Variants in DCC observed in about 807,000 individuals in gnomAD.
DCC encodes the protein netrin receptor DCC.
A neutral mutation model predicts 172.5 loss-of-function variants in DCC; 58 were observed. That is an observed-to-expected ratio of 0.34 (90% CI 0.27 to 0.42). The LOEUF (loss-of-function observed/expected upper bound fraction) is 0.42, where lower values mean the gene tolerates loss of function less well. Ranked by LOEUF, DCC falls within the 10% of genes least tolerant of loss-of-function variation. The pLI is 1.00. For missense variants in DCC, 1,740 were observed against 1,791.0 expected (o/e 0.97, Z 0.51); for synonymous variants, 709 against 644.5 (o/e 1.10, Z -1.52).
intron 2 of DCC, among the ~76,000 whole-genome samples, chr18:52,872,500 C>T (rs972264450): frequency 6.6e-6 from 1 of 152,108 alleles, no homozygotes; most frequent in Non-Finnish European, 1.5e-5. Context: ...GTTTGCTAGC[C>T]CTCTGAACAG....
intron 2 of DCC, among the ~76,000 whole-genome samples, chr18:52,771,361 T>C (rs747462233): frequency 6.6e-6 from 1 of 152,252 alleles, no homozygotes; most frequent in Non-Finnish European, 1.5e-5. Flanking sequence ...TAAAAGGGAA[T>C]ATGCCTGAGC....
At chr18:52,767,197 G>A (rs1386791319) in intron 2 of DCC, among the ~76,000 whole-genome samples, 1 of 151,756 alleles carries the variant, frequency 6.6e-6, no homozygotes, top group East Asian at 1.9e-4. Flanking sequence ...AAGTAAATAG[G>A]ATCAATCAAA....
intron 9 of DCC, among the ~76,000 whole-genome samples, chr18:53,200,938 A>C (rs2055527657): frequency 6.6e-6 from 1 of 152,122 alleles, no homozygotes; most frequent in East Asian, 1.9e-4. Flanking sequence ...TGATATGGGC[A>C]CACCTCACAC....
chr18:52,483,969 G>T (rs1415082978), intron 1 of DCC, among the ~76,000 whole-genome samples: 1 of 151,980 alleles, frequency 6.6e-6, no homozygotes, highest in Non-Finnish European at 1.5e-5. Flanking sequence ...GCTACCATAT[G>T]TTTTTAATAT....
chr18:52,795,415 AAT>A (rs978033427), intron 2 of DCC, among the ~76,000 whole-genome samples: 30 of 152,076 alleles, frequency 2.0e-4, no homozygotes, highest in African/African-American at 7.0e-4. Flanking sequence ...TAGAGTTATT[AAT>A]AGTCTCTAAT....
chr18:53,468,847 C>T (rs1348676236), intron 25 of DCC, among the ~76,000 whole-genome samples: 2 of 152,178 alleles, frequency 1.3e-5, no homozygotes, highest in African/African-American at 2.4e-5. Context: ...CTGAGAATCA[C>T]TTCCTTTCCC....
intron 15 of DCC, among the ~76,000 whole-genome samples, chr18:53,360,583 A>C (rs916424013): frequency 6.6e-6 from 1 of 152,196 alleles, no homozygotes; most frequent in Non-Finnish European, 1.5e-5. Context: ...CATGCTATAA[A>C]TCATTTAAAA....
intron 12 of DCC, among the ~76,000 whole-genome samples, chr18:53,235,886 G>A (rs1293086224): frequency 2.0e-5 from 3 of 151,942 alleles, no homozygotes; most frequent in Non-Finnish European, 4.4e-5. Context: ...TTGTCCTTTG[G>A]TGTCTGGCTT....
chr18:52,964,182 G>T (rs993463803), intron 5 of DCC, among the ~76,000 whole-genome samples: 2 of 152,120 alleles, frequency 1.3e-5, no homozygotes, highest in African/African-American at 4.8e-5. Flanking sequence ...TACCTAAGGA[G>T]ACTTGGAAAG....
intron 5 of DCC, among the ~76,000 whole-genome samples, chr18:53,059,358 G>C (rs1033892301): frequency 2.0e-5 from 3 of 152,088 alleles, no homozygotes; most frequent in Non-Finnish European, 4.4e-5. Flanking sequence ...CAAAGACTTA[G>C]AATTAGAAAA....
At chr18:52,699,300 C>T (rs568583101) in intron 1 of DCC, among the ~76,000 whole-genome samples, 75 of 152,218 alleles carry the variant, frequency 4.9e-4, no homozygotes, top group Middle Eastern at 3.4e-3. Context: ...CCTCAACCAA[C>T]TTGTGTGGCC....
rs1250302336 is a variant in DCC, at chr18:53,307,889, GTGTGTATGTATATATATATATATATA to G, written c.2053+2172_2053+2197del. Among the ~76,000 whole-genome samples the G allele has an allele frequency of 6.0e-3, 230 of 38,142 alleles. 1 individual carries two copies. Among genetic ancestry groups the G allele is most frequent in the Non-Finnish European group, 0.012 (184 of 14,760 alleles). 25.0% of individuals were successfully genotyped at this position (38,142 alleles called of 152,430 possible). A position where few individuals can be genotyped will look rare whatever the true frequency, so the allele number is the denominator to read the frequency against. On this transcript the variant is annotated intron_variant, in intron 13 of 28. Coordinates refer to ENST00000442544, the MANE Select transcript of DCC (RefSeq NM_005215.4). ...CCATAACCCTTCTGGAAAGCAATGT[GTGTGTATGTATATATATATATATATA>G]TATATATATATATATATATATATAT...
chr18:53,086,743 C>T lies in DCC; in HGVS notation c.1261+20577C>T, dbSNP rs1255709288. Among the ~76,000 whole-genome samples, 5 of 62,290 alleles carry T rather than the reference C, an allele frequency of 8.0e-5. No individual in the cohort carries two copies. The East Asian group carries it at 1.1e-3, about 14-fold the overall frequency. The allele number at this position is 62,290 out of a possible 152,430, so 40.9% of individuals were successfully genotyped here. ...ATTAGGTATATCTCCCAATGCTATC[C>T]CTCCCCCCTCCCCCCACCCCACAAC... On this transcript the variant is annotated intron_variant, in intron 7 of 28. Transcript: ENST00000442544.
chr18:53,442,331 A>G lies in DCC; in HGVS notation c.3229+7122A>G, dbSNP rs528411053. 5.3e-4 allele frequency among the ~76,000 whole-genome samples: 80 copies of G among 152,262 alleles called. No individual in the cohort carries two copies. In the South Asian group the frequency reaches 0.016, roughly 31 times the overall value. On this transcript the variant is annotated intron_variant, in intron 22 of 28. Transcript: ENST00000442544. ...ATGTGACATTTTGGTAATTTTTCTA[A>G]TATTTCAAACTTTTAAATTATTATT...
At chr18:52,460,253 T>C (rs1358971633) in intron 1 of DCC, among the ~76,000 whole-genome samples, 1 of 152,180 alleles carries the variant, frequency 6.6e-6, no homozygotes, top group African/African-American at 2.4e-5. Flanking sequence ...AGTCAGGCTT[T>C]GCCCCTTTCT....
intron 5 of DCC, among the ~76,000 whole-genome samples, chr18:53,059,596 T>A (rs2042465150): frequency 6.6e-6 from 1 of 152,186 alleles, no homozygotes; most frequent in Non-Finnish European, 1.5e-5. Context: ...AAGATATGCT[T>A]TAATATTTCT....
At chr18:53,075,311 G>GTCAT (rs2042709212) in intron 7 of DCC, among the ~76,000 whole-genome samples, 1 of 152,182 alleles carries the variant, frequency 6.6e-6, no homozygotes, top group African/African-American at 2.4e-5. Context: ...ATAAAGGCTT[G>GTCAT]TCATTCACCT....
chr18:52,956,007 A>T (rs1301497727), intron 5 of DCC, among the ~76,000 whole-genome samples: 1 of 151,704 alleles, frequency 6.6e-6, no homozygotes, highest in Non-Finnish European at 1.5e-5. Flanking sequence ...GTTTTCTCCC[A>T]GTCAGTGACT....
At chr18:52,801,119 A>G (rs1428953810) in intron 2 of DCC, among the ~76,000 whole-genome samples, 3 of 152,174 alleles carry the variant, frequency 2.0e-5, no homozygotes, top group Non-Finnish European at 2.9e-5. Context: ...GGAACTTTCA[A>G]TGTGGCTTCT....
Sources: gnomAD v4.1 joint callset for allele counts (sites outside exome capture counted in the v4.1 genomes callset) on GRCh38, gnomAD v4.1.1 for gene constraint, MANE v1.5 for transcripts, NCBI Gene and HGNC (gene_info 2026-07-23, HGNC 2026-07-21) for gene names.